The following FAM193A variants were observed in gnomAD, a reference collection of about 807,000 sequenced individuals.
FAM193A encodes family with sequence similarity 193 member A, also known as protein FAM193A.
A neutral mutation model predicts 126.5 loss-of-function variants in FAM193A; 22 were observed. That is an observed-to-expected ratio of 0.17 (90% CI 0.12 to 0.25). The LOEUF (loss-of-function observed/expected upper bound fraction) is 0.25. FAM193A is among the 10% of genes least tolerant of loss of function. The pLI is 1.00. For synonymous variants in FAM193A, 761 were observed against 646.8 expected (o/e 1.18, Z -2.68); for missense variants, 1,675 against 1,672.8 (o/e 1.00, Z -0.02).
chr4:2,546,471 A>AT (rs1317664430), intron 1 of FAM193A, among the ~76,000 whole-genome samples: 1 of 152,102 alleles, frequency 6.6e-6, no homozygotes, highest in Non-Finnish European at 1.5e-5. Context: ...GCTTGGTATG[A>AT]TTTTATCTTT....
chr4:2,690,780 C>T lies in FAM193A; in HGVS notation c.2613C>T (p.Val871=). The change falls in exon 15 of 21, where the codon GTC becomes GTT. Residue 871 remains valine, a synonymous_variant. Transcript: ENST00000637812. ...CATCTAGCAATGAAACACCTGCAGT[C>T]TCGGATAGTAAAGAGAAAAAGAATG... ...PPPSSNETPA[V]SDSKEKKNAA... is the part of the protein sequence containing the mutation. 6.2e-7 allele frequency: 1 copy of T among 1,613,958 alleles called. No homozygotes were observed. Among genetic ancestry groups the T allele is most frequent in the South Asian group, 1.1e-5 (1 of 91,074 alleles).
chr4:2,654,695 T>C (rs1358650302), intron 7 of FAM193A: 1 of 163,228 alleles, frequency 6.1e-6, no homozygotes, highest in African/African-American at 2.4e-5. Context: ...GCACCAATAT[T>C]GAATCTTCCC....
At chr4:2,620,869 A>G (rs1417712320) in intron 2 of FAM193A, among the ~76,000 whole-genome samples, 1 of 150,836 alleles carries the variant, frequency 6.6e-6, no homozygotes, top group African/African-American at 2.4e-5. Context: ...GTAATTAACA[A>G]GTAGCGACAG....
chr4:2,658,897 C>T (rs1185961175), intron 8 of FAM193A, among the ~76,000 whole-genome samples: 2 of 152,196 alleles, frequency 1.3e-5, no homozygotes, highest in African/African-American at 2.4e-5. Context: ...ATTACAGGTG[C>T]CAGCCACCAC....
intron 17 of FAM193A, 146 bp downstream of exon 17, chr4:2,695,275 C>A: frequency 3.2e-6 from 2 of 625,562 alleles, no homozygotes; most frequent in Non-Finnish European, 5.0e-6. Context: ...AATATATGCC[C>A]AAAGATTTAG....
At chr4:2,678,369 T>G (rs1286092639) in intron 13 of FAM193A, among the ~76,000 whole-genome samples, 3 of 149,088 alleles carry the variant, frequency 2.0e-5, no homozygotes, top group African/African-American at 4.9e-5. Flanking sequence ...GGTTTTTTTT[T>G]TTTTTTTTTT....
At chr4:2,555,019 C>T (rs948465071) in intron 1 of FAM193A, among the ~76,000 whole-genome samples, 15 of 152,080 alleles carry the variant, frequency 9.9e-5, no homozygotes, top group Non-Finnish European at 1.8e-4. Context: ...TGTGCTTATT[C>T]ATATTTTCAT....
At chr4:2,639,677 T>A (rs1439950616) in intron 5 of FAM193A, 58 bp from the exon 6 acceptor site, 1 of 1,469,920 alleles carries the variant, frequency 6.8e-7, no homozygotes, top group African/African-American at 1.4e-5. Context: ...TCTGGGAATT[T>A]TCTAGTCTTT....
At chr4:2,710,161 GTTTTTTTTTTTTTTTC>G (rs1353124868) in intron 19 of FAM193A, among the ~76,000 whole-genome samples, 11 of 91,816 alleles carry the variant, frequency 1.2e-4, no homozygotes, top group African/African-American at 1.6e-4. Flanking sequence ...TTCTTCTTTT[GTTTTTTTTTTTTTTTC>G]TTTTTTTTTT....
At chr4:2,694,574 C>G (rs917300493) in intron 16 of FAM193A, among the ~76,000 whole-genome samples, 2 of 152,066 alleles carry the variant, frequency 1.3e-5, no homozygotes, top group African/African-American at 4.8e-5. Flanking sequence ...GCCAGACTTT[C>G]TTTTTAAGAC....
chr4:2,702,919 T>C (rs149166793), intron 19 of FAM193A, among the ~76,000 whole-genome samples: 1 of 152,216 alleles, frequency 6.6e-6, no homozygotes, highest in Non-Finnish European at 1.5e-5. Context: ...ACACACCTGA[T>C]TGCGTTTTTC....
At chr4:2,707,712 T>TC (rs1718460881) in intron 19 of FAM193A, among the ~76,000 whole-genome samples, 1 of 141,512 alleles carries the variant, frequency 7.1e-6, no homozygotes, top group Middle Eastern at 3.5e-3. Context: ...TTATATTTCT[T>TC]ATTTTTTTTT....
intron 13 of FAM193A, among the ~76,000 whole-genome samples, chr4:2,684,341 C>G (rs1214034263): frequency 6.6e-6 from 1 of 152,050 alleles, no homozygotes; most frequent in Non-Finnish European, 1.5e-5. Context: ...AGTCCTGATT[C>G]TGACTATATT....
chr4:2,546,249 C>T (rs1737545605), intron 1 of FAM193A, among the ~76,000 whole-genome samples: 1 of 151,870 alleles, frequency 6.6e-6, no homozygotes, highest in South Asian at 2.1e-4. Flanking sequence ...ACCTTGGCCT[C>T]CCAAAGTTTT....
intron 19 of FAM193A, among the ~76,000 whole-genome samples, chr4:2,706,361 A>G (rs1254572217): frequency 1.5e-5 from 2 of 130,428 alleles, no homozygotes; most frequent in African/African-American, 6.0e-5. Context: ...CAATGGCATG[A>G]TCTCAGCTCA....
chr4:2,682,993 CTT>C (rs1240620087), intron 13 of FAM193A, among the ~76,000 whole-genome samples: 1 of 152,184 alleles, frequency 6.6e-6, no homozygotes, highest in African/African-American at 2.4e-5. Context: ...TGAAGGAAAT[CTT>C]TTGACATTTC....
At chr4:2,679,673 C>T (rs1273691427) in intron 13 of FAM193A, among the ~76,000 whole-genome samples, 2 of 151,898 alleles carry the variant, frequency 1.3e-5, no homozygotes, top group African/African-American at 4.8e-5. Context: ...CCACCGCGCC[C>T]GACCCTGTAG....
intron 14 of FAM193A, 119 bp downstream of exon 14, chr4:2,689,823 T>A: frequency 1.5e-6 from 1 of 676,486 alleles, no homozygotes; most frequent in Non-Finnish European, 2.4e-6. Context: ...CTCCACCACC[T>A]CTGTCTCCAG....
At chr4:2,640,000 G>GAGCTTTT in intron 6 of FAM193A, 141 bp downstream of exon 6, 1 of 781,312 alleles carries the variant, frequency 1.3e-6, no homozygotes, top group Non-Finnish European at 1.9e-6. Flanking sequence ...AAGATAGTTT[G>GAGCTTTT]GGCCAAAAGC....
Sources: gnomAD v4.1 joint callset for allele counts (sites outside exome capture counted in the v4.1 genomes callset) on GRCh38, gnomAD v4.1.1 for gene constraint, MANE v1.5 for transcripts, NCBI Gene and HGNC (gene_info 2026-07-23, HGNC 2026-07-21) for gene names.